RHBDF2: variants seen among roughly 807,000 people sequenced by gnomAD.
RHBDF2 encodes inactive rhomboid protein 2.
A neutral mutation model predicts 95.2 loss-of-function variants in RHBDF2; 38 were observed. That is an observed-to-expected ratio of 0.40 (90% CI 0.31 to 0.52). The LOEUF is 0.52. Among genes scored for constraint, RHBDF2 ranks in the 20% least tolerant of loss-of-function variants. The pLI is 0.56. For synonymous variants in RHBDF2, 442 were observed against 462.0 expected (o/e 0.96, Z 0.55); for missense variants, 863 against 1,137.7 (o/e 0.76, Z 3.47).
Position 76,481,549 on chromosome 17 carries a change from G to A in RHBDF2, c.-21-4C>T. On this transcript the variant is annotated splice_region_variant and splice_polypyrimidine_tract_variant and intron_variant, in intron 2 of 18. Coordinates refer to ENST00000675367, the MANE Select transcript of RHBDF2 (RefSeq NM_001005498.4). The stretch of plus-strand genomic sequence containing the variant: ...TTGTGGGCAGGAGGCGGGAGGGCTG[G>A]AATGGAGACCGGGAGAGCAGCGGTG... 6.2e-7 allele frequency: 1 copy of A among 1,600,396 alleles called. No individual in the cohort carries two copies.
Position 76,477,161 on chromosome 17 carries a change from A to C in RHBDF2, c.920+19T>G. ...GGCTGGTGGCTGGCCTGGAGGAGGGACTCTGCCCCAGCACTCACAGAGGGA... is the reference window on the plus strand; with the variant it reads ...GGCTGGTGGCTGGCCTGGAGGAGGGCCTCTGCCCCAGCACTCACAGAGGGA... On this transcript the variant is annotated intron_variant, in intron 8 of 18. Transcript: ENST00000675367. The C allele has an allele frequency of 6.2e-7, 1 of 1,610,994 alleles. No homozygotes were observed. Among genetic ancestry groups the C allele is most frequent in the Non-Finnish European group, 8.5e-7 (1 of 1,178,998 alleles).
chr17:76,479,960 C>T (rs771764923), intron 3 of RHBDF2, 106 bp from the exon 4 acceptor site: 2 of 1,499,906 alleles, frequency 1.3e-6, no homozygotes, highest in African/African-American at 1.5e-5. Flanking sequence ...AAACTTCAAC[C>T]CTGATTTATG....
In RHBDF2 at chr17:76,473,328, C is replaced by T. The variant is rs1398701462; in HGVS notation, c.1734-1G>A. 2 of 1,610,250 alleles carry T rather than the reference C, an allele frequency of 1.2e-6. No homozygotes were observed. The highest frequency in any genetic ancestry group is 8.5e-7 in the Non-Finnish European group (1 of 1,178,158). ...GTATTCCCGGGTGGTGATCTCACAG[C>T]TAAGGGGGTGGTGAGGCAAGAGGGG... On this transcript the variant is annotated splice_acceptor_variant, in intron 15 of 18. Transcript: ENST00000675367. LOFTEE classifies it high-confidence loss of function.
chr17:76,479,435 T>G, intron 4 of RHBDF2, 158 bp from the exon 5 acceptor site: 1 of 1,091,070 alleles, frequency 9.2e-7, no homozygotes, highest in East Asian at 2.6e-5. Flanking sequence ...AGTGACCAGA[T>G]GAGCAGAAGC....
chr17:76,479,048 C>A (rs948582961), intron 5 of RHBDF2, 34 bp downstream of exon 5: 1 of 1,612,012 alleles, frequency 6.2e-7, no homozygotes, highest in Non-Finnish European at 8.5e-7. Context: ...CCATTAGGGT[C>A]CCCACCCCTG....
At chr17:76,494,762 C>G (rs537176470) in intron 1 of RHBDF2, among the ~76,000 whole-genome samples, 14 of 152,166 alleles carry the variant, frequency 9.2e-5, no homozygotes, top group African/African-American at 1.9e-4. Flanking sequence ...AAAAAACACA[C>G]AGACAAAATA....
chr17:76,480,370 A>C (rs948319435), intron 3 of RHBDF2, among the ~76,000 whole-genome samples: 44 of 151,620 alleles, frequency 2.9e-4, no homozygotes, highest in African/African-American at 9.9e-4. Flanking sequence ...TACAGGCATG[A>C]GCTACCATGC....
chr17:76,491,490 C>T (rs971049266), intron 1 of RHBDF2, among the ~76,000 whole-genome samples: 1 of 144,740 alleles, frequency 6.9e-6, no homozygotes, highest in African/African-American at 2.5e-5. Flanking sequence ...AGGGCCAGGG[C>T]GGGTGGGCAT....
Position 76,498,204 on chromosome 17 carries a change from C to T in RHBDF2, c.-220+3149G>A, listed in dbSNP as rs548295453. Reference sequence around the variant, plus strand: ...GCTGTCCCTGCCTAGCCACCACCACCGCCGAGGTCAGCCTGTACTTGGGCA... The same window carrying T: ...GCTGTCCCTGCCTAGCCACCACCACTGCCGAGGTCAGCCTGTACTTGGGCA... On this transcript the variant is annotated intron_variant, in intron 1 of 18. Coordinates refer to ENST00000675367, the MANE Select transcript of RHBDF2 (RefSeq NM_001005498.4). Among the ~76,000 whole-genome samples the T allele has an allele frequency of 8.5e-5, 13 of 152,266 alleles. No homozygotes were observed. In the East Asian group the frequency reaches 1.3e-3, roughly 16 times the overall value.
At chr17:76,492,047 C>A (rs1282824958) in intron 1 of RHBDF2, among the ~76,000 whole-genome samples, 1 of 152,212 alleles carries the variant, frequency 6.6e-6, no homozygotes, top group Non-Finnish European at 1.5e-5. Flanking sequence ...AGGCGGAACA[C>A]TGCCACCTGC....
Position 76,479,795 on chromosome 17 carries a change from C to T in RHBDF2, c.210G>A (p.Gln70=). ...VSLQEPRSRW[Q]ESSEKRPGFR... ...AGCCAGGGCGCTTCTCTGAACTCTC[C>T]TGCCATCGGCTGCGTGGCTCCTGGA... The change falls in exon 4 of 19, where the codon CAG becomes CAA. Residue 70 remains glutamine (Q), a synonymous_variant. Coordinates refer to ENST00000675367, the MANE Select transcript of RHBDF2 (RefSeq NM_001005498.4). The T allele has an allele frequency of 6.2e-7, 1 of 1,613,330 alleles. No individual in the cohort carries two copies. The highest frequency in any genetic ancestry group is 8.5e-7 in the Non-Finnish European group (1 of 1,179,846).
At chr17:76,499,188 A>C (rs1483244892) in intron 1 of RHBDF2, among the ~76,000 whole-genome samples, 2 of 152,210 alleles carry the variant, frequency 1.3e-5, no homozygotes, top group African/African-American at 4.8e-5. Flanking sequence ...AAAGCCACCA[A>C]CACCAACAAA....
At position 76,477,673 on chromosome 17, in the gene RHBDF2, G is replaced by T. The variant is rs778996826; in HGVS notation, c.785C>A (p.Ser262Tyr). The change falls in exon 7 of 19, where the codon TCC becomes TAC. Residue 262 changes from serine to tyrosine, a missense_variant. Coordinates refer to ENST00000675367, the MANE Select transcript of RHBDF2 (RefSeq NM_001005498.4). ...DVVDGADTFD[S>Y]SFFSKEEMSS... is the part of the protein sequence containing the mutation. The stretch of plus-strand genomic sequence containing the variant: ...CATGCTTGCCTTACTAAAAAAGGAG[G>T]AGTCAAACGTGTCTGCCCCATCGAC... 1.5e-5 allele frequency: 25 copies of T among 1,613,928 alleles called. No individual in the cohort carries two copies. The highest frequency in any genetic ancestry group is 2.0e-5 in the Non-Finnish European group (24 of 1,180,002).
intron 1 of RHBDF2, among the ~76,000 whole-genome samples, chr17:76,491,764 G>C (rs935715568): frequency 9.2e-5 from 14 of 152,202 alleles, no homozygotes; most frequent in African/African-American, 3.1e-4. Context: ...CAAAGGCCCA[G>C]CCCCTTCCTT....
In RHBDF2 at chr17:76,478,986, G is replaced by A. The variant is rs1218837297; in HGVS notation, c.492C>T (p.Gly164=). 2.5e-6 allele frequency: 4 copies of A among 1,596,416 alleles called. No individual in the cohort carries two copies. The highest frequency in any genetic ancestry group is 1.7e-5 in the Admixed American group (1 of 58,888). ...TCTCCTCCGGGTGGCGGAAGGCCCG[G>A]CCCCGGGCCAGCGGATCCACAATCT... ...MPKIVDPLAR[G]RAFRHPEEMD... is the part of the protein sequence containing the mutation. The change falls in exon 6 of 19, where the codon GGC becomes GGT. Residue 164 remains glycine (G), a synonymous_variant. Coordinates refer to ENST00000675367, the MANE Select transcript of RHBDF2 (RefSeq NM_001005498.4).
At chr17:76,477,531 T>C in intron 7 of RHBDF2, 126 bp downstream of exon 7, 2 of 1,207,888 alleles carry the variant, frequency 1.7e-6, no homozygotes, top group Non-Finnish European at 2.4e-6. Context: ...CATAGGACCA[T>C]GCCACATCCC....
rs747021689 is a variant in RHBDF2 at position 76,476,818 on chromosome 17, G to A, written c.1115+12C>T. 3.2e-6 allele frequency: 5 copies of A among 1,584,828 alleles called. No homozygotes were observed. In the South Asian group the frequency reaches 4.5e-5, roughly 14 times the overall value. On this transcript the variant is annotated intron_variant, in intron 9 of 18. Coordinates refer to ENST00000675367, the MANE Select transcript of RHBDF2 (RefSeq NM_001005498.4). Reference sequence around the variant, plus strand: ...TCCAGGCTCTCCTGGGGGCTCCAGGGCGACACCTCACCGGTGGCTGTCGAA... The same window carrying A: ...TCCAGGCTCTCCTGGGGGCTCCAGGACGACACCTCACCGGTGGCTGTCGAA...
intron 2 of RHBDF2, among the ~76,000 whole-genome samples, chr17:76,484,939 A>G (rs1396668229): frequency 6.6e-6 from 1 of 152,192 alleles, no homozygotes; most frequent in Non-Finnish European, 1.5e-5. Context: ...GGGGGAGAGT[A>G]ACGGTTCCTC....
In RHBDF2 at chr17:76,473,811, C is replaced by T. The variant is rs760750916; in HGVS notation, c.1638+28G>A. 9 of 1,613,746 alleles carry T rather than the reference C, an allele frequency of 5.6e-6. No homozygotes were observed. In the Admixed American group the frequency reaches 1.3e-4, roughly 24 times the overall value. On this transcript the variant is annotated intron_variant, in intron 14 of 18. Coordinates refer to ENST00000675367, the MANE Select transcript of RHBDF2 (RefSeq NM_001005498.4). Reference sequence around the variant, plus strand: ...GCAGGTCCCCCATCCCTGACCTTCCCAGACCACTCCCCGCCAGGGACACTC... The same window carrying T: ...GCAGGTCCCCCATCCCTGACCTTCCTAGACCACTCCCCGCCAGGGACACTC...
Sources: gnomAD v4.1 joint callset for allele counts (sites outside exome capture counted in the v4.1 genomes callset) on GRCh38, gnomAD v4.1.1 for gene constraint, MANE v1.5 for transcripts, NCBI Gene and HGNC (gene_info 2026-07-23, HGNC 2026-07-21) for gene names.